DNER: variants seen among roughly 807,000 people sequenced by gnomAD.
DNER encodes the protein delta/notch like EGF repeat containing.
In DNER, 33 loss-of-function variants were observed where a neutral mutation model predicts 78.2. The observed-to-expected ratio is 0.42, with a 90% CI of 0.32 to 0.56. The LOEUF is 0.56. Ranked by LOEUF, DNER falls within the 20% of genes least tolerant of loss-of-function variation. DNER has a pLI of 0.11. For synonymous variants in DNER, 417 were observed against 384.8 expected (o/e 1.08, Z -0.98); for missense variants, 918 against 975.3 (o/e 0.94, Z 0.78).
intron 1 of DNER, among the ~76,000 whole-genome samples, chr2:229,695,338 G>A (rs1699645910): frequency 6.6e-6 from 1 of 152,050 alleles, no homozygotes; most frequent in South Asian, 2.1e-4. Context: ...CATAATATAG[G>A]GAAAGGAACC....
chr2:229,374,176 T>C (rs1672247525), intron 11 of DNER, among the ~76,000 whole-genome samples: 1 of 150,506 alleles, frequency 6.6e-6, no homozygotes, highest in Non-Finnish European at 1.5e-5. Context: ...GAAAAAAAAA[T>C]AGGAGCTGAA....
intron 1 of DNER, among the ~76,000 whole-genome samples, chr2:229,659,775 C>T (rs1345254888): frequency 6.6e-6 from 1 of 152,168 alleles, no homozygotes; most frequent in African/African-American, 2.4e-5. Context: ...ATAACCTGTA[C>T]TCTATACCTT....
At chr2:229,488,899 G>T (rs1695335186) in intron 6 of DNER, among the ~76,000 whole-genome samples, 1 of 152,224 alleles carries the variant, frequency 6.6e-6, no homozygotes, top group Non-Finnish European at 1.5e-5. Flanking sequence ...GCTGACATTT[G>T]TTGAGGGCTT....
intron 1 of DNER, among the ~76,000 whole-genome samples, chr2:229,626,220 A>G (rs1042126493): frequency 3.3e-5 from 5 of 152,144 alleles, no homozygotes. Flanking sequence ...TGCCCGGCCT[A>G]CTATGCAACT....
chr2:229,484,548 T>C (rs894267596), intron 6 of DNER, among the ~76,000 whole-genome samples: 2 of 152,222 alleles, frequency 1.3e-5, no homozygotes, highest in African/African-American at 4.8e-5. Flanking sequence ...TTGTTGTTGT[T>C]GTTCAGGAGC....
At chr2:229,486,627 T>G (rs74727444) in intron 6 of DNER, among the ~76,000 whole-genome samples, 19,048 of 152,174 alleles carry the variant, frequency 0.13, 1,334 homozygotes, top group South Asian at 0.2. Context: ...CAGGTACCAT[T>G]TCTATGGAGT....
intron 1 of DNER, among the ~76,000 whole-genome samples, chr2:229,633,147 A>G (rs1476198861): frequency 6.6e-6 from 1 of 152,238 alleles, no homozygotes; most frequent in Non-Finnish European, 1.5e-5. Flanking sequence ...TGAATGTCAA[A>G]AAATGTCTTA....
At chr2:229,535,430 G>A (rs1384057068) in intron 5 of DNER, among the ~76,000 whole-genome samples, 4 of 152,144 alleles carry the variant, frequency 2.6e-5, no homozygotes, top group Non-Finnish European at 5.9e-5. Context: ...TGTCCAGAGG[G>A]CCAGTAGATC....
At chr2:229,399,019 G>A (rs1294315935) in intron 10 of DNER, among the ~76,000 whole-genome samples, 2 of 151,908 alleles carry the variant, frequency 1.3e-5, no homozygotes, top group Admixed American at 6.6e-5. Context: ...TGAAAACAAA[G>A]CAAAGATGTC....
At chr2:229,388,144 C>A (rs542792046) in intron 11 of DNER, 121 bp downstream of exon 11, 1 of 1,387,314 alleles carries the variant, frequency 7.2e-7, no homozygotes, top group Non-Finnish European at 9.6e-7. Flanking sequence ...GGACTCACTG[C>A]CTCATCTGCC....
At chr2:229,616,725 A>G (rs10174833) in intron 1 of DNER, among the ~76,000 whole-genome samples, 120,583 of 152,162 alleles carry the variant, frequency 0.79, 47,959 homozygotes, top group Admixed American at 0.85. Context: ...CCCTTGGCAG[A>G]TCCACCTTCT....
At chr2:229,425,537 C>G (rs979179725) in intron 8 of DNER, among the ~76,000 whole-genome samples, 1 of 152,126 alleles carries the variant, frequency 6.6e-6, no homozygotes, top group Middle Eastern at 3.2e-3. Context: ...TCCTACTCTC[C>G]CCAGTAAAAG....
intron 6 of DNER, among the ~76,000 whole-genome samples, chr2:229,500,652 A>T (rs1055349817): frequency 2.6e-5 from 4 of 152,198 alleles, no homozygotes; most frequent in African/African-American, 9.7e-5. Flanking sequence ...TCAACAGGTG[A>T]GTGAATAAAG....
intron 8 of DNER, among the ~76,000 whole-genome samples, chr2:229,421,570 TG>T (rs1693763884): frequency 6.8e-6 from 1 of 147,678 alleles, no homozygotes; most frequent in South Asian, 2.1e-4. Flanking sequence ...ATATATATAG[TG>T]GGTAAAAAAT....
At chr2:229,364,345 T>C (rs1346174288) in intron 12 of DNER, among the ~76,000 whole-genome samples, 1 of 152,088 alleles carries the variant, frequency 6.6e-6, no homozygotes, top group African/African-American at 2.4e-5. Context: ...CCTCAAATGT[T>C]AATGAGGTCT....
At chr2:229,617,928 C>T (rs1574930427) in intron 1 of DNER, among the ~76,000 whole-genome samples, 1 of 152,294 alleles carries the variant, frequency 6.6e-6, no homozygotes, top group East Asian at 1.9e-4. Flanking sequence ...TATATGATTG[C>T]ACTCCAATCT....
intron 4 of DNER, among the ~76,000 whole-genome samples, chr2:229,574,157 A>C (rs1432505709): frequency 6.6e-6 from 1 of 152,228 alleles, no homozygotes; most frequent in Non-Finnish European, 1.5e-5. Flanking sequence ...ACTGGAAGAA[A>C]GTTAAAGACA....
chr2:229,604,018 G>A (rs1697886190), intron 1 of DNER, among the ~76,000 whole-genome samples: 1 of 152,096 alleles, frequency 6.6e-6, no homozygotes, highest in South Asian at 2.1e-4. Flanking sequence ...TGAAGCCACA[G>A]GGACCAGGAG....
At chr2:229,369,256 A>G (rs933916439) in intron 11 of DNER, among the ~76,000 whole-genome samples, 1 of 151,754 alleles carries the variant, frequency 6.6e-6, no homozygotes. Context: ...TTAAAAAAAA[A>G]GTTTTAACTT....
Sources: gnomAD v4.1 joint callset for allele counts (sites outside exome capture counted in the v4.1 genomes callset) on GRCh38, gnomAD v4.1.1 for gene constraint, MANE v1.5 for transcripts, NCBI Gene and HGNC (gene_info 2026-07-23, HGNC 2026-07-21) for gene names.